MYO7B: variants seen among roughly 807,000 people sequenced by gnomAD.
MYO7B encodes myosin VIIB.
MYO7B carries 212 observed loss-of-function variants against 259.7 expected under a neutral mutation model. The ratio of observed to expected loss-of-function variants is 0.82; its 90% CI spans 0.73 to 0.91. MYO7B has a LOEUF of 0.91. Among genes scored for constraint, MYO7B ranks in the 40% least tolerant of loss-of-function variants. MYO7B has a pLI of 0.00. For missense variants in MYO7B, 2,732 were observed against 2,813.5 expected (o/e 0.97, Z 0.66); for synonymous variants, 1,197 against 1,166.4 (o/e 1.03, Z -0.54).
chr2:127,592,753 G>A (rs1328828959), intron 16 of MYO7B, 41 bp from the exon 17 acceptor site: 1 of 1,584,592 alleles, frequency 6.3e-7, no homozygotes, highest in East Asian at 2.3e-5. Context: ...TGGCTGGAAA[G>A]TGGGGCTTGC....
At chr2:127,580,948 C>G in intron 10 of MYO7B, 126 bp downstream of exon 10, 1 of 914,276 alleles carries the variant, frequency 1.1e-6, no homozygotes, top group Non-Finnish European at 1.7e-6. Context: ...GGCCTATGCT[C>G]AAACCCCTCC....
chr2:127,629,061 C>G (rs1681317513), intron 34 of MYO7B, among the ~76,000 whole-genome samples: 1 of 152,158 alleles, frequency 6.6e-6, no homozygotes, highest in African/African-American at 2.4e-5. Context: ...CCCCAGGACC[C>G]CCGCTGGGCC....
rs1212655554 is a variant in MYO7B, at chr2:127,597,049, G to T, written c.2339+493G>T. Among the ~76,000 whole-genome samples, 3 of 152,246 alleles carry T rather than the reference G, an allele frequency of 2.0e-5. No individual in the cohort carries two copies. Among genetic ancestry groups the T allele is most frequent in the African/African-American group, 7.2e-5 (3 of 41,472 alleles). ...GCAAGGGCTGGAAACCCAGGCATGA[G>T]AAAGTAGAAGACAGCCAGCCCCGGG... On this transcript the variant is annotated intron_variant, in intron 19 of 47. Transcript: ENST00000409816. This position sits in a 1 kb window ranked among gnomAD's most constrained non-coding sequence, Gnocchi z 4.8.
rs1161947685 is a variant in MYO7B, at chr2:127,584,046, C to G, written c.1344-76C>G. ...CAGCTGTTTGCAGATGGCTGGTGAT[C>G]CTATGGCTCCAGCCTGCTGCAGCGG... On this transcript the variant is annotated intron_variant, in intron 12 of 47. Coordinates refer to ENST00000409816, the MANE Select transcript of MYO7B (RefSeq NM_001393586.1). This position sits in a 1 kb window ranked among gnomAD's most constrained non-coding sequence, Gnocchi z 5.8. 2.9e-6 allele frequency: 4 copies of G among 1,374,192 alleles called. No homozygotes were observed. Among genetic ancestry groups the G allele is most frequent in the Admixed American group, 2.0e-5 (1 of 50,618 alleles). The allele number at this position is 1,374,192 out of a possible 1,614,324, so 85.1% of individuals were successfully genotyped here.
In MYO7B at chr2:127,628,516, G is replaced by A. The variant is rs1202865364; in HGVS notation, c.4605G>A (p.Leu1535=). ...LKERSIFAMA[L]QDRKATDDTT... The stretch of plus-strand genomic sequence containing the variant: ...AGAGGTCCATTTTCGCCATGGCCCT[G>A]CAGGACAGGAAGGCCACAGGTGCCA... Residue 1535 remains leucine, a synonymous_variant, in exon 34 of 48, where the codon CTG becomes CTA. Transcript: ENST00000409816. The surrounding 1 kb of genome is among the most constrained non-coding windows in gnomAD (Gnocchi z 4.8). The A allele has an allele frequency of 7.1e-7, 1 of 1,403,570 alleles. No individual in the cohort carries two copies. Among genetic ancestry groups the A allele is most frequent in the Non-Finnish European group, 9.4e-7 (1 of 1,066,734 alleles). The allele number at this position is 1,403,570 out of a possible 1,614,324, so 86.9% of individuals were successfully genotyped here.
Position 127,609,743 on chromosome 2 carries a change from A to T in MYO7B, c.3024+28A>T. ...ACCAGGGTTCACTGGCTTCTAGTGG[A>T]TCAGGCCAGCCCCGAGCCTGGGGTG... On this transcript the variant is annotated intron_variant, in intron 23 of 47. Transcript: ENST00000409816. The surrounding 1 kb of genome is among the most constrained non-coding windows in gnomAD (Gnocchi z 6.9). 1.9e-6 allele frequency: 3 copies of T among 1,613,692 alleles called. No homozygotes were observed. The highest frequency in any genetic ancestry group is 2.5e-6 in the Non-Finnish European group (3 of 1,179,694).
intron 14 of MYO7B, among the ~76,000 whole-genome samples, chr2:127,587,172 C>A (rs2104952507): frequency 6.6e-6 from 1 of 152,218 alleles, no homozygotes; most frequent in East Asian, 1.9e-4. Flanking sequence ...TCCTTAGAGA[C>A]CAAGCAGTGC....
intron 1 of MYO7B, among the ~76,000 whole-genome samples, chr2:127,549,432 A>G (rs1404813229): frequency 6.6e-6 from 1 of 152,156 alleles, no homozygotes; most frequent in Non-Finnish European, 1.5e-5. Context: ...TGAGCGTGGC[A>G]CTCAATAGGT....
In MYO7B at chr2:127,627,397, G is replaced by A; in HGVS notation, c.4460+87G>A. On this transcript the variant is annotated intron_variant, in intron 33 of 47. Transcript: ENST00000409816. The surrounding 1 kb of genome is among the most constrained non-coding windows in gnomAD (Gnocchi z 5.6). ...TCGGGGAGAGATGGGGAGAGGGGCA[G>A]TGTGCCGTCCCGGGTAACAGGCCGG... 1.3e-6 allele frequency: 2 copies of A among 1,532,882 alleles called. No individual in the cohort carries two copies. The highest frequency in any genetic ancestry group is 1.8e-5 in the Admixed American group (1 of 56,236). 95.0% of individuals were successfully genotyped at this position (1,532,882 alleles called of 1,614,324 possible).
chr2:127,572,741 G>A (rs1678700068), intron 6 of MYO7B, among the ~76,000 whole-genome samples: 1 of 152,000 alleles, frequency 6.6e-6, no homozygotes, highest in African/African-American at 2.4e-5. Flanking sequence ...GCTGTTTCTG[G>A]ATTCTCTATT....
chr2:127,631,030 C>T, intron 36 of MYO7B, 122 bp downstream of exon 36: 1 of 1,371,754 alleles, frequency 7.3e-7, no homozygotes, highest in Non-Finnish European at 9.9e-7. Flanking sequence ...TGCAGAGAGG[C>T]CACGCCACCC....
At chr2:127,594,291 C>T (rs745665759) in intron 18 of MYO7B, among the ~76,000 whole-genome samples, 1 of 152,172 alleles carries the variant, frequency 6.6e-6, no homozygotes, top group Non-Finnish European at 1.5e-5. Context: ...TAAGCCTCAG[C>T]GGGCCAGCAC....
chr2:127,635,523 G>A (rs1389569879), intron 43 of MYO7B, 199 bp from the exon 44 acceptor site: 3 of 666,636 alleles, frequency 4.5e-6, no homozygotes, highest in Middle Eastern at 4.1e-4. Context: ...GGTGGAGCAG[G>A]CCATCACCTC....
intron 6 of MYO7B, among the ~76,000 whole-genome samples, chr2:127,570,369 G>A (rs906027977): frequency 1.3e-5 from 2 of 152,214 alleles, no homozygotes; most frequent in Admixed American, 6.5e-5. Flanking sequence ...TTATGAACGG[G>A]AAAAAGAGAG....
At position 127,637,348 on chromosome 2, in the gene MYO7B, T is replaced by C. The variant is rs768166034; in HGVS notation, c.6360T>C (p.Tyr2120=). ...GYKMDDLLTS[Y]VQQLLSAMNK... ...AGATGGATGACCTGCTGACCTCATA[T>C]GTGCAGCAGCTCCTGAGTGCCATGA... The change falls in exon 48 of 48, where the codon TAT becomes TAC. Residue 2120 remains tyrosine, a synonymous_variant. Coordinates refer to ENST00000409816, the MANE Select transcript of MYO7B (RefSeq NM_001393586.1). 9 of 1,595,022 alleles carry C rather than the reference T, an allele frequency of 5.6e-6. No homozygotes were observed. The African/African-American group carries it at 8.0e-5, about 14-fold the overall frequency.
At chr2:127,620,313 A>G in intron 26 of MYO7B, 27 bp from the exon 27 acceptor site, 1 of 1,586,350 alleles carries the variant, frequency 6.3e-7, no homozygotes, top group Non-Finnish European at 8.6e-7. Flanking sequence ...CCCCCAGCCT[A>G]CTCTCCTAAT....
At position 127,629,786 on chromosome 2, in the gene MYO7B, ACAC is replaced by A; in HGVS notation, c.4769_4771del (p.Thr1590del). ...GGGCTGGTGCCCATGGCCTGCCTCT[ACAC>A]CATCCCCACGGTCACTAAGCCCTCG... On this transcript the variant is annotated inframe_deletion, in exon 35 of 48. Transcript: ENST00000409816. 6.3e-7 allele frequency: 1 copy of A among 1,597,418 alleles called. No individual in the cohort carries two copies. The highest frequency in any genetic ancestry group is 8.5e-7 in the Non-Finnish European group (1 of 1,170,974).
At chr2:127,545,476 T>C (rs1693190959) in intron 1 of MYO7B, among the ~76,000 whole-genome samples, 1 of 152,168 alleles carries the variant, frequency 6.6e-6, no homozygotes. Flanking sequence ...ATTGGGAAGT[T>C]ACCTAGCCTC....
chr2:127,617,185 C>T (rs1034131275), intron 26 of MYO7B, among the ~76,000 whole-genome samples: 6 of 152,168 alleles, frequency 3.9e-5, no homozygotes, highest in South Asian at 2.1e-4. Flanking sequence ...TTACAAGCCA[C>T]GAAAGACAAA....
Sources: allele counts gnomAD v4.1 joint callset (sites outside exome capture counted in the v4.1 genomes callset), GRCh38; gene constraint gnomAD v4.1.1; non-coding constraint Gnocchi (gnomAD v3.1); transcripts MANE v1.5; gene names NCBI Gene and HGNC (gene_info 2026-07-23, HGNC 2026-07-21).